STK17A: variants seen among roughly 807,000 people sequenced by gnomAD.
STK17A encodes the protein serine/threonine kinase 17a, also known as serine/threonine-protein kinase 17A.
Under a neutral mutation model 43.7 loss-of-function variants are expected in STK17A, and 26 were observed. That is an observed-to-expected ratio of 0.60 (90% CI 0.44 to 0.83). The LOEUF is 0.83. STK17A is among the 40% of genes least tolerant of loss of function. The pLI, the probability that STK17A is intolerant of heterozygous loss-of-function variation, is 0.00. For synonymous variants in STK17A, 191 were observed against 182.5 expected, an observed-to-expected ratio of 1.05 and a Z score of -0.38; for missense variants, 476 against 511.6, an observed-to-expected ratio of 0.93 and a Z score of 0.67.
intron 1 of STK17A, among the ~76,000 whole-genome samples, chr7:43,584,237 G>A (rs189579305): frequency 8.1e-4 from 124 of 152,244 alleles, no homozygotes; most frequent in African/African-American, 2.9e-3. Flanking sequence ...TGATTTTTGT[G>A]GGGTTTGGCG....
chr7:43,612,703 A>G (rs1219273488), intron 3 of STK17A, among the ~76,000 whole-genome samples: 1 of 152,152 alleles, frequency 6.6e-6, no homozygotes, highest in Non-Finnish European at 1.5e-5. Flanking sequence ...GCTATGGGAA[A>G]TACACTGCTT....
Position 43,608,245 on chromosome 7 carries a change from C to T in STK17A, c.420-11C>T. 1 of 1,600,118 alleles carries T rather than the reference C, an allele frequency of 6.2e-7. No homozygotes were observed. Among genetic ancestry groups the T allele is most frequent in the East Asian group, 2.2e-5 (1 of 44,790 alleles). On this transcript the variant is annotated splice_polypyrimidine_tract_variant and intron_variant, in intron 2 of 6. Coordinates refer to ENST00000319357, the MANE Select transcript of STK17A (RefSeq NM_004760.3). ...TGAGTTATATATTACTTTAATTTTG[C>T]CCTTCTCTAGTGCTGCTGGGGGTGA...
intron 4 of STK17A, 69 bp from the exon 5 acceptor site, chr7:43,623,503 T>C (rs2084138590): frequency 2.9e-6 from 4 of 1,372,660 alleles, no homozygotes; most frequent in African/African-American, 2.9e-5. Flanking sequence ...GCTTAGTTTT[T>C]TATCTCTTAG....
In STK17A at chr7:43,583,330, G is replaced by C; in HGVS notation, c.87G>C (p.Gly29=). The change falls in exon 1 of 7, where the codon GGG becomes GGC. Residue 29 remains glycine, a synonymous_variant. Transcript: ENST00000319357. Reference sequence around the variant, plus strand: ...GCCGGGCAGGCCGGGGTCTGAGCGGGCCGTGCCGGCCGCCGCCGCCGCCCC... The same window carrying C: ...GCCGGGCAGGCCGGGGTCTGAGCGGCCCGTGCCGGCCGCCGCCGCCGCCCC... ...GSGRAGRGLS[G]PCRPPPPPQA... 1 of 1,443,498 alleles carries C rather than the reference G, an allele frequency of 6.9e-7. No homozygotes were observed. The allele number at this position is 1,443,498 out of a possible 1,614,324, so 89.4% of individuals were successfully genotyped here.
intron 3 of STK17A, among the ~76,000 whole-genome samples, chr7:43,618,880 G>A (rs1470545247): frequency 6.6e-6 from 1 of 152,144 alleles, no homozygotes; most frequent in Non-Finnish European, 1.5e-5. Context: ...CTGAAGCTTT[G>A]GAAGTAGATG....
chr7:43,605,355 C>A (rs564023051), intron 2 of STK17A, among the ~76,000 whole-genome samples: 12 of 152,328 alleles, frequency 7.9e-5, no homozygotes, highest in African/African-American at 2.9e-4. Flanking sequence ...AGACCTAGAA[C>A]TAGGTTAGCC....
chr7:43,600,507 A>G (rs769848178), intron 2 of STK17A, among the ~76,000 whole-genome samples: 2 of 152,164 alleles, frequency 1.3e-5, no homozygotes, highest in Non-Finnish European at 2.9e-5. Context: ...ATGAAGAGAA[A>G]TTTTCACAGA....
Position 43,621,680 on chromosome 7 carries a change from C to T in STK17A, c.692-1892C>T, listed in dbSNP as rs188722495. 3.7e-3 allele frequency among the ~76,000 whole-genome samples: 565 copies of T among 152,154 alleles called. 2 individuals carry two copies. The highest frequency in any genetic ancestry group is 7.1e-3 in the Admixed American group (108 of 15,272). ...TAAAGATGGGTCTCACTGTGTTGCC[C>T]AGGCTAGTGATTTGTTTTAGAGCTT... On this transcript the variant is annotated intron_variant, in intron 4 of 6. Coordinates refer to ENST00000319357, the MANE Select transcript of STK17A (RefSeq NM_004760.3).
At chr7:43,605,632 T>G (rs1297807994) in intron 2 of STK17A, among the ~76,000 whole-genome samples, 4 of 151,832 alleles carry the variant, frequency 2.6e-5, no homozygotes, top group African/African-American at 9.7e-5. Flanking sequence ...CAGTCTGTCT[T>G]CTCAGCTTAG....
At chr7:43,593,696 TAA>T (rs35017052) in intron 1 of STK17A, among the ~76,000 whole-genome samples, 24 of 146,382 alleles carry the variant, frequency 1.6e-4, no homozygotes, top group East Asian at 5.9e-4. Context: ...TCTGTTCATA[TAA>T]AAAAAAAAAA....
chr7:43,583,590 C>T (rs2082417493), intron 1 of STK17A, 141 bp downstream of exon 1: 2 of 774,574 alleles, frequency 2.6e-6, no homozygotes, highest in Non-Finnish European at 1.8e-6. Context: ...TTGGCACAAA[C>T]TTGGGTGCCG....
chr7:43,583,570 G>T lies in STK17A; in HGVS notation c.206+121G>T, dbSNP rs111710315. 1.6e-4 allele frequency: 147 copies of T among 916,282 alleles called. No homozygotes were observed. In the African/African-American group the frequency reaches 2.0e-3, roughly 13 times the overall value. The allele number at this position is 916,282 out of a possible 1,614,324, so 56.8% of individuals were successfully genotyped here. On this transcript the variant is annotated intron_variant, in intron 1 of 6. Transcript: ENST00000319357. Reference sequence around the variant, plus strand: ...GTGGCGTTGCTGCTGCCGATAACGCGCGTTGTGACTTGGCACAAACTTGGG... The same window carrying T: ...GTGGCGTTGCTGCTGCCGATAACGCTCGTTGTGACTTGGCACAAACTTGGG...
chr7:43,600,132 A>G (rs2082545471), intron 2 of STK17A, among the ~76,000 whole-genome samples: 1 of 152,186 alleles, frequency 6.6e-6, no homozygotes, highest in Non-Finnish European at 1.5e-5. Context: ...TAATCCAGTC[A>G]AGCCAACAAC....
At chr7:43,606,340 C>T (rs901338416) in intron 2 of STK17A, among the ~76,000 whole-genome samples, 1 of 152,062 alleles carries the variant, frequency 6.6e-6, no homozygotes, top group Admixed American at 6.6e-5. Context: ...TGGTTTGAGG[C>T]GGGAAGCTAT....
rs150394299 is a variant in STK17A at position 43,595,901 on chromosome 7, G to A, written c.207G>A (p.Arg69=). The stretch of plus-strand genomic sequence containing the variant: ...AGTGAATGTTTTTGTTTAATTCTAG[G>A]GGGAAATTTGCAGTGGTGAGAAAAT... ...YSLCPGRELG[R]GKFAVVRKCI... The change falls in exon 2 of 7, where the codon AGG becomes AGA. Residue 69 remains arginine (R), a splice_region_variant and synonymous_variant. Transcript: ENST00000319357. The A allele has an allele frequency of 4.3e-6, 7 of 1,612,110 alleles. No individual in the cohort carries two copies. The African/African-American group carries it at 8.0e-5, about 18-fold the overall frequency.
intron 1 of STK17A, among the ~76,000 whole-genome samples, chr7:43,594,929 G>A (rs928024995): frequency 6.6e-6 from 1 of 150,822 alleles, no homozygotes. Flanking sequence ...ACTAAAAGAG[G>A]TTAAATAAAC....
At chr7:43,611,412 C>T (rs1208020561) in intron 3 of STK17A, among the ~76,000 whole-genome samples, 1 of 152,168 alleles carries the variant, frequency 6.6e-6, no homozygotes, top group Non-Finnish European at 1.5e-5. Context: ...GACCCAGTAG[C>T]CACATGGTAC....
chr7:43,604,013 A>G (rs1170683853), intron 2 of STK17A, among the ~76,000 whole-genome samples: 2 of 152,176 alleles, frequency 1.3e-5, no homozygotes, highest in Non-Finnish European at 2.9e-5. Flanking sequence ...TATTTGGCCT[A>G]TAAATGATTG....
intron 4 of STK17A, chr7:43,622,481 C>T (rs916049449): frequency 6.6e-6 from 1 of 151,226 alleles, no homozygotes; most frequent in African/African-American, 2.4e-5. Flanking sequence ...AGTCTTTGGT[C>T]TGTTTTTCTG....
Sources: allele counts gnomAD v4.1 joint callset (sites outside exome capture counted in the v4.1 genomes callset), GRCh38; gene constraint gnomAD v4.1.1; transcripts MANE v1.5; gene names NCBI Gene and HGNC (gene_info 2026-07-23, HGNC 2026-07-21).